Variants in UNC13C observed in about 807,000 individuals in gnomAD.
The protein encoded by UNC13C is unc-13 homolog C, also known as protein unc-13 homolog C.
UNC13C carries 174 observed loss-of-function variants against 245.4 expected under a neutral mutation model. The observed-to-expected ratio is 0.71, with a 90% CI of 0.63 to 0.80. The LOEUF (loss-of-function observed/expected upper bound fraction) is 0.80. Among genes scored for constraint, UNC13C ranks in the 30% least tolerant of loss-of-function variants. The pLI is 0.00. For synonymous variants in UNC13C, 992 were observed against 895.1 expected (o/e 1.11, Z -1.93); for missense variants, 2,829 against 2,602.9 (o/e 1.09, Z -1.89).
intron 30 of UNC13C, among the ~76,000 whole-genome samples, chr15:54,612,406 A>C (rs1053747420): frequency 6.6e-6 from 1 of 152,008 alleles, no homozygotes; most frequent in African/African-American, 2.4e-5. Context: ...TTCTTTATAC[A>C]TTAGGGATAG....
chr15:54,229,854 C>T (rs532347694), intron 4 of UNC13C, among the ~76,000 whole-genome samples: 2 of 152,232 alleles, frequency 1.3e-5, no homozygotes, highest in South Asian at 2.1e-4. Flanking sequence ...TTAGGTTGCA[C>T]ATGTCATCAA....
intron 19 of UNC13C, among the ~76,000 whole-genome samples, chr15:54,442,876 T>C (rs1890607240): frequency 6.6e-6 from 1 of 152,134 alleles, no homozygotes; most frequent in Non-Finnish European, 1.5e-5. Context: ...CTGTAGTTTA[T>C]TTTTGTTGTT....
the UNC13C span, among the ~76,000 whole-genome samples, chr15:53,869,247 G>A: frequency 1.3e-5 from 2 of 152,220 alleles, no homozygotes. Flanking sequence ...GCCACATGGG[G>A]AAAGCAAACC....
intron 2 of UNC13C, among the ~76,000 whole-genome samples, chr15:54,084,467 C>A (rs1270451499): frequency 6.6e-6 from 1 of 152,132 alleles, no homozygotes; most frequent in Non-Finnish European, 1.5e-5. Flanking sequence ...TATAAATTCC[C>A]AGCCTTGTGT....
At chr15:54,543,992 A>G (rs1896366585) in intron 26 of UNC13C, among the ~76,000 whole-genome samples, 1 of 152,204 alleles carries the variant, frequency 6.6e-6, no homozygotes, top group Non-Finnish European at 1.5e-5. Context: ...GATACAACAA[A>G]AAAAGAGAAT....
chr15:54,051,461 T>C (rs1190539126), intron 2 of UNC13C, among the ~76,000 whole-genome samples: 4 of 152,064 alleles, frequency 2.6e-5, no homozygotes, highest in Non-Finnish European at 5.9e-5. Context: ...CCTAATTTTT[T>C]CCCCACTGCT....
At chr15:54,585,048 G>A (rs1198522370) in intron 30 of UNC13C, among the ~76,000 whole-genome samples, 1 of 152,126 alleles carries the variant, frequency 6.6e-6, no homozygotes, top group East Asian at 1.9e-4. Flanking sequence ...ATCCGATATG[G>A]GCAGCAGAAT....
At chr15:54,609,171 C>G (rs969505197) in intron 30 of UNC13C, among the ~76,000 whole-genome samples, 8 of 152,096 alleles carry the variant, frequency 5.3e-5, no homozygotes, top group African/African-American at 1.9e-4. Flanking sequence ...TTTTTAATGG[C>G]TTTTTACTGC....
intron 29 of UNC13C, among the ~76,000 whole-genome samples, chr15:54,561,441 C>T (rs1897296072): frequency 6.6e-6 from 1 of 151,878 alleles, no homozygotes; most frequent in African/African-American, 2.4e-5. Context: ...TCTTGAAAGA[C>T]AGATGGGCGT....
chr15:54,287,790 G>C (rs944348920), intron 10 of UNC13C, among the ~76,000 whole-genome samples: 1 of 152,164 alleles, frequency 6.6e-6, no homozygotes, highest in Admixed American at 6.5e-5. Context: ...AAAGATTGTT[G>C]TATGAGTGTA....
chr15:54,092,076 C>A (rs770821914), intron 2 of UNC13C, among the ~76,000 whole-genome samples: 1 of 152,278 alleles, frequency 6.6e-6, no homozygotes, highest in Non-Finnish European at 1.5e-5. Flanking sequence ...AGGATTGTTA[C>A]TATCTTCTTA....
At chr15:54,547,343 CA>C (rs758627705) in intron 27 of UNC13C, among the ~76,000 whole-genome samples, 5 of 151,390 alleles carry the variant, frequency 3.3e-5, no homozygotes, top group Non-Finnish European at 7.4e-5. Flanking sequence ...TTGTATCACA[CA>C]AAGAAAAAGG....
chr15:54,053,081 C>T (rs1897340670), intron 2 of UNC13C, among the ~76,000 whole-genome samples: 1 of 152,190 alleles, frequency 6.6e-6, no homozygotes, highest in Non-Finnish European at 1.5e-5. Context: ...CCCACTGCAA[C>T]TTCTGCCATC....
At chr15:54,633,267 T>C (rs1292670633), downstream of UNC13C, 1 of 152,232 alleles carries the variant, frequency 6.6e-6, no homozygotes, top group Admixed American at 6.5e-5. Context: ...GAATCTTCAA[T>C]TCGTGGGCAC....
chr15:53,930,638 C>T, the UNC13C span, among the ~76,000 whole-genome samples: 2 of 152,198 alleles, frequency 1.3e-5, no homozygotes, highest in African/African-American at 4.8e-5. Context: ...AATTGTTCCT[C>T]AGTAGCCTTT....
intron 17 of UNC13C, among the ~76,000 whole-genome samples, chr15:54,343,229 G>T (rs1387406501): frequency 1.3e-5 from 2 of 151,920 alleles, no homozygotes; most frequent in Admixed American, 6.6e-5. Flanking sequence ...CGCCTCTTGG[G>T]TTCAAGTGAT....
At position 54,130,591 on chromosome 15, in the gene UNC13C, C is replaced by G. The variant is rs138182983; in HGVS notation, c.2984-12427C>G. On this transcript the variant is annotated intron_variant, in intron 2 of 32. Transcript: ENST00000260323. ...ACAGGCGTGAGCCACTGCGCCCAGC[C>G]CATAATTAATTTTTAACAGTATTTT... Among the ~76,000 whole-genome samples, 436 of 152,092 alleles carry G rather than the reference C, an allele frequency of 2.9e-3. 2 individuals carry two copies. The highest frequency in any genetic ancestry group is 9.7e-3 in the African/African-American group (402 of 41,510).
At chr15:54,171,361 G>T (rs952545956) in intron 4 of UNC13C, among the ~76,000 whole-genome samples, 8 of 151,794 alleles carry the variant, frequency 5.3e-5, no homozygotes, top group Non-Finnish European at 1.2e-4. Flanking sequence ...ATCTGACAAG[G>T]GATTAATAGC....
intron 2 of UNC13C, among the ~76,000 whole-genome samples, chr15:54,072,696 T>G (rs1898387031): frequency 6.6e-6 from 1 of 152,170 alleles, no homozygotes; most frequent in Non-Finnish European, 1.5e-5. Flanking sequence ...CTGGGAACTC[T>G]TAGGAGAATT....
Sources: gnomAD v4.1 joint callset for allele counts (sites outside exome capture counted in the v4.1 genomes callset) on GRCh38, gnomAD v4.1.1 for gene constraint, MANE v1.5 for transcripts, NCBI Gene and HGNC (gene_info 2026-07-23, HGNC 2026-07-21) for gene names.